BRD10: variants seen among roughly 807,000 people sequenced by gnomAD.
The protein encoded by BRD10 is bromodomain containing 10.
chr9:5,934,751 G>A, the BRD10 span, among the ~76,000 whole-genome samples: 5 of 152,096 alleles, frequency 3.3e-5, no homozygotes, highest in Admixed American at 6.6e-5. Flanking sequence ...TAAGGGTCTC[G>A]TGCTCTACTG....
the BRD10 span, among the ~76,000 whole-genome samples, chr9:5,961,915 C>G: frequency 3.6e-3 from 551 of 151,546 alleles, 5 homozygotes; most frequent in African/African-American, 0.013. Flanking sequence ...TTTGTTGATC[C>G]TTTCAAAAAA....
the BRD10 span, chr9:5,922,303 G>C: frequency 2.5e-6 from 4 of 1,613,938 alleles, no homozygotes; most frequent in East Asian, 2.2e-5. Context: ...GCTGACCTGT[G>C]GAGGAAATGG....
At chr9:5,938,762 G>GATAGTTTTCAGTTTTGTTA in the BRD10 span, among the ~76,000 whole-genome samples, 2 of 152,174 alleles carry the variant, frequency 1.3e-5, no homozygotes, top group Non-Finnish European at 2.9e-5. Flanking sequence ...CCACAGCTGA[G>GATAGTTTTCAGTTTTGTTA]ATAGTTTTCA....
chr9:5,967,871 T>A, the BRD10 span: 1 of 586,946 alleles, frequency 1.7e-6, no homozygotes, highest in Non-Finnish European at 3.0e-6. Context: ...TTTAACACAT[T>A]GAATATAAAA....
chr9:5,946,573 T>G, the BRD10 span, among the ~76,000 whole-genome samples: 1 of 152,084 alleles, frequency 6.6e-6, no homozygotes, highest in African/African-American at 2.4e-5. Flanking sequence ...GGACTAAACT[T>G]TTCATAGTAT....
chr9:5,923,250 C>G, the BRD10 span: 4 of 1,613,500 alleles, frequency 2.5e-6, no homozygotes, highest in South Asian at 1.1e-5. Flanking sequence ...GAAGGCAATT[C>G]CTTTTTCAAC....
At chr9:5,927,000 T>C in the BRD10 span, among the ~76,000 whole-genome samples, 2 of 152,186 alleles carry the variant, frequency 1.3e-5, no homozygotes, top group African/African-American at 2.4e-5. Context: ...AAGGGTTTTA[T>C]GGAAGCACAT....
At chr9:5,893,635 A>G in the BRD10 span, among the ~76,000 whole-genome samples, 1 of 152,184 alleles carries the variant, frequency 6.6e-6, no homozygotes, top group Non-Finnish European at 1.5e-5. Context: ...CCGTGCTATT[A>G]GTTAGGGTAT....
the BRD10 span, among the ~76,000 whole-genome samples, chr9:5,953,011 TTTTC>T: frequency 3.3e-5 from 5 of 152,204 alleles, no homozygotes; most frequent in African/African-American, 4.8e-5. Flanking sequence ...AACATGTCTA[TTTTC>T]TTTAACTGTT....
chr9:5,883,673 T>C, the BRD10 span, among the ~76,000 whole-genome samples: 2 of 152,138 alleles, frequency 1.3e-5, no homozygotes, highest in South Asian at 2.1e-4. Flanking sequence ...TATCTCTCTA[T>C]GCAGCCCAGG....
the BRD10 span, chr9:5,922,039 C>T: frequency 1.2e-6 from 2 of 1,613,910 alleles, no homozygotes; most frequent in African/African-American, 2.7e-5. Context: ...CCAGAAATGC[C>T]TGCAGCTGAG....
At chr9:6,002,112 T>C in the BRD10 span, among the ~76,000 whole-genome samples, 1 of 152,224 alleles carries the variant, frequency 6.6e-6, no homozygotes, top group Non-Finnish European at 1.5e-5. Context: ...TTGAGACTCA[T>C]GGTTTAAACA....
the BRD10 span, among the ~76,000 whole-genome samples, chr9:5,971,781 C>A: frequency 8.6e-4 from 131 of 152,164 alleles, no homozygotes; most frequent in Non-Finnish European, 1.6e-3. Flanking sequence ...TTGGCTTCCT[C>A]TGTACAGAGC....
the BRD10 span, among the ~76,000 whole-genome samples, chr9:5,960,360 G>C: frequency 1.3e-5 from 2 of 152,168 alleles, no homozygotes; most frequent in South Asian, 4.1e-4. Flanking sequence ...TCAGGAGTTC[G>C]AGACCAGCCT....
At chr9:5,951,343 T>G in the BRD10 span, among the ~76,000 whole-genome samples, 2 of 151,254 alleles carry the variant, frequency 1.3e-5, no homozygotes, top group African/African-American at 4.9e-5. Flanking sequence ...AAAAAAAACT[T>G]CACAATTTAA....
the BRD10 span, chr9:6,007,738 T>C: frequency 6.3e-7 from 1 of 1,598,386 alleles, no homozygotes; most frequent in Non-Finnish European, 8.5e-7. Context: ...TGGCGGCCGC[T>C]CTTCCTCCCC....
the BRD10 span, among the ~76,000 whole-genome samples, chr9:5,927,926 T>C: frequency 2.3e-4 from 35 of 152,262 alleles, no homozygotes; most frequent in South Asian, 3.5e-3. Flanking sequence ...CCCAAATTTG[T>C]ACCTCCAGAC....
At chr9:5,953,919 T>C in the BRD10 span, 1 of 717,456 alleles carries the variant, frequency 1.4e-6, no homozygotes. Flanking sequence ...CAAGTAAGTG[T>C]GCTACAGTTT....
the BRD10 span, among the ~76,000 whole-genome samples, chr9:5,932,319 A>G: frequency 5.9e-5 from 9 of 152,154 alleles, no homozygotes; most frequent in African/African-American, 1.7e-4. Context: ...AGTTGAAAGG[A>G]AACTAAAAGG....
Sources: gnomAD v4.1 joint callset for allele counts (sites outside exome capture counted in the v4.1 genomes callset) on GRCh38, gnomAD v4.1.1 for gene constraint, MANE v1.5 for transcripts, NCBI Gene and HGNC (gene_info 2026-07-23, HGNC 2026-07-21) for gene names.